Variants in PLA1A observed in about 807,000 individuals in gnomAD.
PLA1A encodes the protein phosphatidylserine-specific phospholipase A1alpha.
In PLA1A, 47 loss-of-function variants were observed where a neutral mutation model predicts 49.4. The ratio of observed to expected loss-of-function variants is 0.95; its 90% confidence interval spans 0.75 to 1.21. The LOEUF is 1.21. Among genes scored for constraint, PLA1A ranks in the 50% most tolerant of loss-of-function variants. The pLI is 0.00. For synonymous variants in PLA1A, 224 were observed against 207.9 expected, an observed-to-expected ratio of 1.08 and a Z score of -0.67; for missense variants, 561 against 563.9, an observed-to-expected ratio of 0.99 and a Z score of 0.05.
chr3:119,604,593 C>T (rs111887028), intron 1 of PLA1A, among the ~76,000 whole-genome samples: 5,537 of 152,098 alleles, frequency 0.036, 321 homozygotes, highest in African/African-American at 0.13. Context: ...TAGATTGTGG[C>T]TCTCAGAGGC....
At chr3:119,622,518 C>T (rs1266914804) in intron 8 of PLA1A, among the ~76,000 whole-genome samples, 4 of 152,172 alleles carry the variant, frequency 2.6e-5, no homozygotes, top group Non-Finnish European at 4.4e-5. Flanking sequence ...CATCTTGGCA[C>T]CTTTTGGTGA....
chr3:119,609,345 A>T, intron 3 of PLA1A, 123 bp from the exon 4 acceptor site: 1 of 772,534 alleles, frequency 1.3e-6, no homozygotes, highest in South Asian at 1.4e-5. Flanking sequence ...TTCCCTCCAA[A>T]GTAAGTGTGG....
chr3:119,628,155 A>G lies in PLA1A; in HGVS notation c.1122-546A>G, dbSNP rs115729663. On this transcript the variant is annotated intron_variant, in intron 9 of 10. Coordinates refer to ENST00000273371, the MANE Select transcript of PLA1A (RefSeq NM_015900.4). ...AAGCTGGAACTTACACCTAGTTGCT[A>G]TGTGACTCCACAGCCACCTTGCCAG... Among the ~76,000 whole-genome samples, 755 of 152,330 alleles carry G rather than the reference A, an allele frequency of 5.0e-3. 6 individuals carry two copies. Among genetic ancestry groups the G allele is most frequent in the African/African-American group, 0.017 (696 of 41,580 alleles).
At chr3:119,622,700 C>A (rs2082960534) in intron 8 of PLA1A, among the ~76,000 whole-genome samples, 1 of 152,052 alleles carries the variant, frequency 6.6e-6, no homozygotes, top group South Asian at 2.1e-4. Flanking sequence ...TAGCTATGTT[C>A]CCATCACCAA....
Position 119,629,684 on chromosome 3 carries a change from A to T in PLA1A, c.*216A>T, listed in dbSNP as rs1296595585. On this transcript the variant is annotated 3_prime_UTR_variant, in exon 11 of 11. Transcript: ENST00000273371. ...CTTTGCCGATCTTATGTACATACCCATTTTAGCTTTCCCATGCATACTTAA... is the reference window on the plus strand; with the variant it reads ...CTTTGCCGATCTTATGTACATACCCTTTTTAGCTTTCCCATGCATACTTAA... The T allele has an allele frequency of 7.7e-6, 4 of 517,368 alleles. No individual in the cohort carries two copies. Among genetic ancestry groups the T allele is most frequent in the Non-Finnish European group, 1.4e-5 (4 of 292,080 alleles). 32.0% of individuals were successfully genotyped at this position (517,368 alleles called of 1,614,324 possible).
chr3:119,622,141 G>C (rs1487629240), intron 8 of PLA1A, among the ~76,000 whole-genome samples: 1 of 143,120 alleles, frequency 7.0e-6, no homozygotes, highest in East Asian at 2.0e-4. Context: ...GGAAGAGGAG[G>C]AGGAGGAGGA....
chr3:119,613,619 C>A (rs2082799959), intron 5 of PLA1A, among the ~76,000 whole-genome samples: 1 of 152,228 alleles, frequency 6.6e-6, no homozygotes, highest in Admixed American at 6.5e-5. Context: ...CCGGGCCGGG[C>A]ACGGTGGCTC....
intron 5 of PLA1A, 50 bp downstream of exon 5, chr3:119,613,168 C>T (rs1481802737): frequency 7.8e-7 from 1 of 1,277,592 alleles, no homozygotes. Context: ...CAAGGCAGCG[C>T]CTAGGAGGCT....
chr3:119,624,018 C>A (rs558913960), intron 8 of PLA1A, among the ~76,000 whole-genome samples: 1 of 152,304 alleles, frequency 6.6e-6, no homozygotes, highest in South Asian at 2.1e-4. Context: ...AGCCACCACG[C>A]CTGACCTTAT....
chr3:119,609,359 G>T, intron 3 of PLA1A, 109 bp from the exon 4 acceptor site: 1 of 786,614 alleles, frequency 1.3e-6, no homozygotes, highest in Non-Finnish European at 2.3e-6. Context: ...AGTGTGGTGG[G>T]TGTGTCATGC....
At position 119,628,711 on chromosome 3, in the gene PLA1A, C is replaced by T; in HGVS notation, c.1132C>T (p.Gln378Ter). The T allele has an allele frequency of 2.5e-6, 4 of 1,614,060 alleles. No individual in the cohort carries two copies. The South Asian group carries it at 3.3e-5, about 13-fold the overall frequency. The change falls in exon 10 of 11, where the codon CAA (glutamine) becomes TAA (stop). Residue 378 changes from glutamine (Q) to a stop codon, truncating the protein, a stop_gained. Coordinates refer to ENST00000273371, the MANE Select transcript of PLA1A (RefSeq NM_015900.4). LOFTEE classifies it high-confidence loss of function. Reference protein sequence around the residue: ...SSSKITIPKQQRYGKGIIAHA... With the variant: ...SSSKITIPKQ The stretch of plus-strand genomic sequence containing the variant: ...ACCCTTTTCTTGCAGACCTAAGCAG[C>T]AACGCTATGGGAAAGGAATCATAGC...
At chr3:119,619,303 G>C (rs1367896635) in intron 7 of PLA1A, among the ~76,000 whole-genome samples, 2 of 152,248 alleles carry the variant, frequency 1.3e-5, no homozygotes, top group African/African-American at 4.8e-5. Context: ...ACAGATTAGT[G>C]TCAGATTTCT....
chr3:119,619,761 C>T (rs887156747), intron 8 of PLA1A, 109 bp downstream of exon 8: 6 of 792,546 alleles, frequency 7.6e-6, no homozygotes, highest in South Asian at 2.9e-5. Flanking sequence ...AAGGCATCAC[C>T]GGAGGTGTGG....
intron 8 of PLA1A, among the ~76,000 whole-genome samples, chr3:119,624,819 T>C (rs1184072058): frequency 1.3e-5 from 2 of 152,088 alleles, no homozygotes; most frequent in Non-Finnish European, 2.9e-5. Context: ...TTAGTAGAGA[T>C]GGGGTTTCAC....
rs1175782388 is a variant in PLA1A at position 119,608,771 on chromosome 3, GT to G, written c.281del (p.Leu94Ter). ...ATTCTTTTTTGGCCCCCTGTCTAGG[GT>G]TTTAGGAACAAAGCCTTCCTGGATT... ...GTKLIIHGFRVLGTKPSWIDT... is the reference protein window; with the variant it reads ...GTKLIIHGFRXLGTKPSWIDT... On this transcript the variant is annotated frameshift_variant and splice_region_variant, in exon 3 of 11. Transcript: ENST00000273371. LOFTEE classifies it high-confidence loss of function. 2 of 1,612,804 alleles carry G rather than the reference GT, an allele frequency of 1.2e-6. No individual in the cohort carries two copies. Among genetic ancestry groups the G allele is most frequent in the African/African-American group, 2.7e-5 (2 of 74,976 alleles).
At chr3:119,598,038 T>A (rs753355793) in intron 1 of PLA1A, 52 bp downstream of exon 1, 1 of 1,133,178 alleles carries the variant, frequency 8.8e-7, no homozygotes, top group Non-Finnish European at 1.3e-6. Context: ...AGTGATCATA[T>A]TTCTCCAACT....
Position 119,609,526 on chromosome 3 carries a change from T to G in PLA1A, c.512T>G (p.Val171Gly). 4 of 1,613,162 alleles carry G rather than the reference T, an allele frequency of 2.5e-6. No individual in the cohort carries two copies. Among genetic ancestry groups the G allele is most frequent in the Non-Finnish European group, 3.4e-6 (4 of 1,179,204 alleles). The change falls in exon 4 of 11, where the codon GTT (valine) becomes GGT (glycine). Residue 171 changes from valine (V) to glycine (G), a missense_variant. Val to Gly is a moderately radical substitution (Grantham distance 109). Transcript: ENST00000273371. ...ATTGGTGTTAGCCTGGGGGCCCACG[T>G]TGGGGGCATGGTGGGACAGCTCTTC... ...HIIGVSLGAH[V>G]GGMVGQLFGG...
chr3:119,621,510 C>T (rs566366393), intron 8 of PLA1A, among the ~76,000 whole-genome samples: 41 of 152,384 alleles, frequency 2.7e-4, no homozygotes, highest in African/African-American at 9.4e-4. Flanking sequence ...CCATGCCTAG[C>T]ACTCTTGGTC....
At chr3:119,624,812 G>A (rs993195885) in intron 8 of PLA1A, among the ~76,000 whole-genome samples, 1 of 152,160 alleles carries the variant, frequency 6.6e-6, no homozygotes, top group African/African-American at 2.4e-5. Flanking sequence ...TATATTTTTA[G>A]TAGAGATGGG....
Sources: allele counts gnomAD v4.1 joint callset (sites outside exome capture counted in the v4.1 genomes callset), GRCh38; gene constraint gnomAD v4.1.1; transcripts MANE v1.5; gene names NCBI Gene and HGNC (gene_info 2026-07-23, HGNC 2026-07-21).